SMG6: variants seen among roughly 807,000 people sequenced by gnomAD.
SMG6 encodes telomerase-binding protein EST1A.
In SMG6, 66 loss-of-function variants were observed where a neutral mutation model predicts 142.2. The observed-to-expected ratio is 0.46, with a 90% CI of 0.38 to 0.57. The LOEUF is 0.57. Among genes scored for constraint, SMG6 ranks in the 20% least tolerant of loss-of-function variants. SMG6 has a pLI of 0.00. For synonymous variants in SMG6, 779 were observed against 702.4 expected (o/e 1.11, Z -1.72); for missense variants, 1,793 against 1,832.0 (o/e 0.98, Z 0.39).
intron 13 of SMG6, among the ~76,000 whole-genome samples, chr17:2,132,365 A>G (rs975462259): frequency 6.6e-6 from 1 of 152,220 alleles, no homozygotes; most frequent in Non-Finnish European, 1.5e-5. Context: ...GCCTCAGAGC[A>G]ACTTAACAGC....
At chr17:2,300,939 T>C (rs1392453773) in intron 1 of SMG6, among the ~76,000 whole-genome samples, 2 of 152,184 alleles carry the variant, frequency 1.3e-5, no homozygotes, top group East Asian at 1.9e-4. Flanking sequence ...CCCATCTCCT[T>C]ATGTGTCATC....
chr17:2,203,666 T>C (rs2072597189), intron 10 of SMG6, among the ~76,000 whole-genome samples: 1 of 152,198 alleles, frequency 6.6e-6, no homozygotes, highest in Non-Finnish European at 1.5e-5. Flanking sequence ...GGCATACCCA[T>C]TAGCCAATCT....
At position 2,065,126 on chromosome 17, in the gene SMG6, C is replaced by T. The variant is rs2067901410; in HGVS notation, c.4076G>A (p.Cys1359Tyr). ...LGNNDDLILS[C>Y]CLHYCKDKAK... is the part of the protein sequence containing the mutation. ...CTTGTCTTTGCAGTAGTGGAGGCAG[C>T]AGGACAGGATGAGATCATCGTTGTT... The change falls in exon 18 of 19, where the codon TGC becomes TAC. Residue 1359 changes from cysteine to tyrosine, a missense_variant. Coordinates refer to ENST00000263073, the MANE Select transcript of SMG6 (RefSeq NM_017575.5). The T allele has an allele frequency of 1.2e-6, 2 of 1,613,686 alleles. No homozygotes were observed. Among genetic ancestry groups the T allele is most frequent in the Non-Finnish European group, 1.7e-6 (2 of 1,179,806 alleles).
chr17:2,277,808 G>A (rs1248607331), intron 8 of SMG6, among the ~76,000 whole-genome samples: 4 of 152,146 alleles, frequency 2.6e-5, no homozygotes, highest in African/African-American at 2.4e-5. Flanking sequence ...ATTTTGTGAG[G>A]CAAAGGTGGG....
intron 5 of SMG6, 118 bp from the exon 6 acceptor site, chr17:2,292,748 T>TA: frequency 7.0e-7 from 1 of 1,435,954 alleles, no homozygotes; most frequent in Admixed American, 1.7e-5. Flanking sequence ...CCTGGAGGGG[T>TA]AAGGCATGAC....
At chr17:2,250,178 G>A (rs372561131) in intron 8 of SMG6, among the ~76,000 whole-genome samples, 6 of 152,152 alleles carry the variant, frequency 3.9e-5, no homozygotes, top group African/African-American at 1.4e-4. Flanking sequence ...CGCAAGAGGA[G>A]GGGATTCTGA....
intron 12 of SMG6, among the ~76,000 whole-genome samples, chr17:2,174,633 C>T (rs1227356913): frequency 6.6e-6 from 1 of 152,118 alleles, no homozygotes; most frequent in African/African-American, 2.4e-5. Context: ...ACAGGCTTTA[C>T]CCAGGAAAAA....
intron 15 of SMG6, among the ~76,000 whole-genome samples, chr17:2,079,125 G>A (rs545262127): frequency 2.6e-5 from 4 of 151,776 alleles, no homozygotes; most frequent in Middle Eastern, 3.4e-3. Context: ...CACCACACCC[G>A]GCTCACTTTT....
chr17:2,248,482 C>T (rs2073971480), intron 8 of SMG6, among the ~76,000 whole-genome samples: 2 of 152,270 alleles, frequency 1.3e-5, no homozygotes, highest in South Asian at 4.1e-4. Flanking sequence ...GTGTACTTCA[C>T]AAACATCCTT....
intron 13 of SMG6, among the ~76,000 whole-genome samples, chr17:2,118,350 C>T (rs1364171660): frequency 6.6e-6 from 1 of 152,160 alleles, no homozygotes. Flanking sequence ...ACCAGCCTGG[C>T]CAACATGATG....
chr17:2,087,355 C>A (rs552682867), intron 13 of SMG6: 12 of 1,201,284 alleles, frequency 1.0e-5, no homozygotes, highest in Non-Finnish European at 1.3e-5. Context: ...CAGGAAAGTG[C>A]GGCACACACC....
At chr17:2,270,901 A>G (rs1419535120) in intron 8 of SMG6, among the ~76,000 whole-genome samples, 1 of 152,146 alleles carries the variant, frequency 6.6e-6, no homozygotes, top group Non-Finnish European at 1.5e-5. Context: ...GATGCCTAAC[A>G]TTTCTTGAAC....
chr17:2,150,868 C>A (rs2070805106), intron 13 of SMG6, among the ~76,000 whole-genome samples: 1 of 152,022 alleles, frequency 6.6e-6, no homozygotes, highest in Non-Finnish European at 1.5e-5. Flanking sequence ...ACCCAGATCT[C>A]ACTTGAGTGT....
intron 13 of SMG6, among the ~76,000 whole-genome samples, chr17:2,090,627 T>A (rs1208378975): frequency 2.0e-5 from 3 of 152,212 alleles, no homozygotes; most frequent in Non-Finnish European, 4.4e-5. Flanking sequence ...TTTTTCTGAA[T>A]TTTTGGTTTG....
At chr17:2,205,067 T>C (rs1245050526) in intron 10 of SMG6, among the ~76,000 whole-genome samples, 2 of 152,150 alleles carry the variant, frequency 1.3e-5, no homozygotes, top group Non-Finnish European at 2.9e-5. Flanking sequence ...TGTATGTATC[T>C]AGTTTTTGGT....
At chr17:2,069,431 C>CAAA (rs79412495) in intron 15 of SMG6, among the ~76,000 whole-genome samples, 1 of 112,808 alleles carries the variant, frequency 8.9e-6, no homozygotes, top group African/African-American at 3.2e-5. Flanking sequence ...CCCGTCTCTA[C>CAAA]AAAAAAAAAA....
At chr17:2,094,106 C>T (rs1262039575) in intron 13 of SMG6, among the ~76,000 whole-genome samples, 2 of 152,168 alleles carry the variant, frequency 1.3e-5, no homozygotes, top group Non-Finnish European at 1.5e-5. Context: ...TCGGAACAAG[C>T]GGGCCACTAA....
At chr17:2,105,297 G>A (rs1014886156) in intron 13 of SMG6, among the ~76,000 whole-genome samples, 9 of 151,380 alleles carry the variant, frequency 5.9e-5, no homozygotes, top group African/African-American at 2.2e-4. Context: ...TGTAATCCCA[G>A]CACTTTGGGA....
chr17:2,073,622 T>C (rs1567574626), intron 15 of SMG6, among the ~76,000 whole-genome samples: 1 of 149,046 alleles, frequency 6.7e-6, no homozygotes, highest in Non-Finnish European at 1.5e-5. Flanking sequence ...GGCAGGAGAA[T>C]TGCTTGAACC....
Sources: gnomAD v4.1 joint callset for allele counts (sites outside exome capture counted in the v4.1 genomes callset) on GRCh38, gnomAD v4.1.1 for gene constraint, MANE v1.5 for transcripts, NCBI Gene and HGNC (gene_info 2026-07-23, HGNC 2026-07-21) for gene names.